Variants in CNTRL observed in about 807,000 individuals in gnomAD.
The protein encoded by CNTRL is 110 kDa centrosomal protein.
In CNTRL, 233 loss-of-function variants were observed where a neutral mutation model predicts 303.7. The observed-to-expected ratio is 0.77, with a 90% CI of 0.69 to 0.86. The LOEUF is 0.86. Ranked by LOEUF, CNTRL falls within the 40% of genes least tolerant of loss-of-function variation. The pLI is 0.00. For missense variants in CNTRL, 2,524 were observed against 2,650.6 expected (o/e 0.95, Z 1.05); for synonymous variants, 900 against 922.2 (o/e 0.98, Z 0.44).
intron 35 of CNTRL, 24 bp from the exon 36 acceptor site, chr9:121,166,083 T>C (rs1395305428): frequency 6.4e-7 from 1 of 1,569,578 alleles, no homozygotes; most frequent in South Asian, 1.1e-5. Flanking sequence ...TATTTCTTAT[T>C]TCATGAGAAT....
chr9:121,077,902 T>C (rs2047988817), intron 1 of CNTRL, among the ~76,000 whole-genome samples: 1 of 152,112 alleles, frequency 6.6e-6, no homozygotes, highest in South Asian at 2.1e-4. Context: ...GCCATGAGCA[T>C]GCCACTACAC....
At chr9:121,082,867 G>A (rs2048193415) in intron 2 of CNTRL, among the ~76,000 whole-genome samples, 2 of 151,926 alleles carry the variant, frequency 1.3e-5, no homozygotes, top group South Asian at 4.2e-4. Flanking sequence ...CTACTCAGGA[G>A]GCTGAGGCAG....
Position 121,158,846 on chromosome 9 carries a change from T to A in CNTRL, c.4765-9T>A, listed in dbSNP as rs201533821. 5.2e-5 allele frequency: 84 copies of A among 1,613,448 alleles called. No homozygotes were observed. Among genetic ancestry groups the A allele is most frequent in the Non-Finnish European group, 6.8e-5 (80 of 1,179,736 alleles). On this transcript the variant is annotated splice_polypyrimidine_tract_variant and intron_variant, in intron 30 of 43. Coordinates refer to ENST00000373855, the MANE Select transcript of CNTRL (RefSeq NM_007018.6). ...TGTCAAACTTACTCTTCCCTTTTCT[T>A]TAATACAGGTGACAAGTCAGCAGCA...
chr9:121,146,088 A>C lies in CNTRL; in HGVS notation c.3311-20A>C. 2 of 1,576,102 alleles carry C rather than the reference A, an allele frequency of 1.3e-6. No individual in the cohort carries two copies. Among genetic ancestry groups the C allele is most frequent in the Non-Finnish European group, 1.7e-6 (2 of 1,163,130 alleles). On this transcript the variant is annotated intron_variant, in intron 22 of 43. Coordinates refer to ENST00000373855, the MANE Select transcript of CNTRL (RefSeq NM_007018.6). Reference sequence around the variant, plus strand: ...GTAAGTGATTTCATATCAATTTCATAGAATGACTTTTCTTTACAGACAACA... The same window carrying C: ...GTAAGTGATTTCATATCAATTTCATCGAATGACTTTTCTTTACAGACAACA...
rs543790621 is a variant in CNTRL at position 121,156,619 on chromosome 9, A to G, written c.4366-851A>G. 2.0e-5 allele frequency among the ~76,000 whole-genome samples: 3 copies of G among 152,310 alleles called. No individual in the cohort carries two copies. In the East Asian group the frequency reaches 5.8e-4, roughly 29 times the overall value. ...TACGGACTCCTCTGGCTTTAGTACA[A>G]TGGCAGACTTCAGTTTTTTTTGGCT... On this transcript the variant is annotated intron_variant, in intron 27 of 43. Transcript: ENST00000373855.
intron 7 of CNTRL, among the ~76,000 whole-genome samples, chr9:121,102,736 C>A (rs1156574674): frequency 6.6e-6 from 1 of 152,174 alleles, no homozygotes; most frequent in African/African-American, 2.4e-5. Flanking sequence ...AAATCACAAG[C>A]ATTCCTATAC....
intron 26 of CNTRL, 29 bp downstream of exon 26, chr9:121,152,722 CA>C (rs769602382): frequency 3.8e-5 from 56 of 1,475,262 alleles, no homozygotes; most frequent in Non-Finnish European, 9.4e-7. Context: ...ATAATTCAGA[CA>C]AATACGATAT....
chr9:121,098,231 C>T (rs1248278927), intron 6 of CNTRL, among the ~76,000 whole-genome samples, 155 bp from the exon 7 acceptor site: 1 of 152,168 alleles, frequency 6.6e-6, no homozygotes, highest in Non-Finnish European at 1.5e-5. Flanking sequence ...ACTATAAATA[C>T]TCATATACTC....
At position 121,177,439 on chromosome 9, in the gene CNTRL, G is replaced by A. The variant is rs982779307; in HGVS notation, c.*253G>A. The A allele has an allele frequency of 6.6e-5, 25 of 381,520 alleles. No homozygotes were observed. The highest frequency in any genetic ancestry group is 1.3e-4 in the African/African-American group (6 of 45,916). 23.6% of individuals were successfully genotyped at this position (381,520 alleles called of 1,614,324 possible). ...CTGAGCCTTTTTTTTTTTAATCTTCGTAACATGTTTAAAAAAAAACAGTGA... is the reference window on the plus strand; with the variant it reads ...CTGAGCCTTTTTTTTTTTAATCTTCATAACATGTTTAAAAAAAAACAGTGA... On this transcript the variant is annotated 3_prime_UTR_variant, in exon 44 of 44. Coordinates refer to ENST00000373855, the MANE Select transcript of CNTRL (RefSeq NM_007018.6).
intron 12 of CNTRL, among the ~76,000 whole-genome samples, chr9:121,121,092 TTTTA>T (rs1234643082): frequency 6.6e-6 from 1 of 152,212 alleles, no homozygotes; most frequent in East Asian, 1.9e-4. Context: ...ATAGGTAGAC[TTTTA>T]TTTAATTAAT....
intron 35 of CNTRL, 138 bp downstream of exon 35, chr9:121,165,238 A>G (rs2053039843): frequency 1.3e-6 from 1 of 781,786 alleles, no homozygotes; most frequent in Non-Finnish European, 2.0e-6. Context: ...TGTTTGCACA[A>G]CTTGGAATAT....
intron 3 of CNTRL, among the ~76,000 whole-genome samples, chr9:121,088,781 G>GCA (rs2048444784): frequency 6.6e-6 from 1 of 152,224 alleles, no homozygotes; most frequent in Non-Finnish European, 1.5e-5. Context: ...TGTTTCCTGT[G>GCA]GTAGGAGAGT....
intron 14 of CNTRL, among the ~76,000 whole-genome samples, chr9:121,128,727 C>A (rs1314210824): frequency 6.6e-6 from 1 of 152,158 alleles, no homozygotes; most frequent in African/African-American, 2.4e-5. Flanking sequence ...ATGCCTATGT[C>A]CTGAATAGTA....
chr9:121,108,666 G>A (rs1422632449), intron 8 of CNTRL, among the ~76,000 whole-genome samples: 2 of 151,888 alleles, frequency 1.3e-5, no homozygotes, highest in African/African-American at 2.4e-5. Flanking sequence ...AGGCGCCATC[G>A]CTCATGCCTT....
intron 17 of CNTRL, 111 bp downstream of exon 17, chr9:121,140,897 T>A: frequency 1.8e-6 from 2 of 1,083,332 alleles, no homozygotes; most frequent in Non-Finnish European, 2.5e-6. Flanking sequence ...ATGGCAAATT[T>A]CTTTTGTAAG....
At chr9:121,155,036 T>A in intron 27 of CNTRL, 123 bp downstream of exon 27, 2 of 846,738 alleles carry the variant, frequency 2.4e-6, no homozygotes, top group Non-Finnish European at 2.0e-6. Flanking sequence ...GACAGCCAGG[T>A]TCCAGGCTGG....
intron 38 of CNTRL, among the ~76,000 whole-genome samples, chr9:121,169,077 C>A (rs918746287): frequency 6.6e-6 from 1 of 152,170 alleles, no homozygotes; most frequent in African/African-American, 2.4e-5. Flanking sequence ...ACTTTTATTT[C>A]GTAAGCATTA....
chr9:121,142,396 GA>G, intron 19 of CNTRL, 126 bp downstream of exon 19: 1 of 715,756 alleles, frequency 1.4e-6, no homozygotes, highest in South Asian at 3.3e-5. Flanking sequence ...GCACAGTGCT[GA>G]ACCTGACCTA....
At position 121,115,204 on chromosome 9, in the gene CNTRL, T is replaced by A. The variant is rs749374012; in HGVS notation, c.1455+4T>A. On this transcript the variant is annotated splice_donor_region_variant and intron_variant, in intron 11 of 43. Transcript: ENST00000373855. Reference sequence around the variant, plus strand: ...AGAAGCTATACAACTAAAAAAGGTATGTAAAAGCAAAGCAGCAATGCTAAG... The same window carrying A: ...AGAAGCTATACAACTAAAAAAGGTAAGTAAAAGCAAAGCAGCAATGCTAAG... 6.7e-7 allele frequency: 1 copy of A among 1,484,866 alleles called. No individual in the cohort carries two copies. Among genetic ancestry groups the A allele is most frequent in the Non-Finnish European group, 9.3e-7 (1 of 1,070,462 alleles). 92.0% of individuals were successfully genotyped at this position (1,484,866 alleles called of 1,614,324 possible).
Sources: gnomAD v4.1 joint callset for allele counts (sites outside exome capture counted in the v4.1 genomes callset) on GRCh38, gnomAD v4.1.1 for gene constraint, MANE v1.5 for transcripts, NCBI Gene and HGNC (gene_info 2026-07-23, HGNC 2026-07-21) for gene names.